MBD2: variants seen among roughly 807,000 people sequenced by gnomAD.
The protein encoded by MBD2 is methyl-CpG binding domain protein 2, also known as methyl-CpG-binding domain protein 2.
Under a neutral mutation model 39.3 loss-of-function variants are expected in MBD2, and 9 were observed. The ratio of observed to expected loss-of-function variants is 0.23; its 90% CI spans 0.14 to 0.40. The LOEUF is 0.40. Among genes scored for constraint, MBD2 ranks in the 10% least tolerant of loss-of-function variants. MBD2 has a pLI of 1.00. For synonymous variants in MBD2, 233 were observed against 211.1 expected (o/e 1.10, Z -0.90); for missense variants, 458 against 532.6 (o/e 0.86, Z 1.38).
At chr18:54,193,203 G>T (rs1184468597) in intron 2 of MBD2, among the ~76,000 whole-genome samples, 1 of 152,140 alleles carries the variant, frequency 6.6e-6, no homozygotes, top group East Asian at 1.9e-4. Flanking sequence ...CTACAGTTTA[G>T]TTTAGAATCT....
rs145787332 is a variant in MBD2, at chr18:54,186,573, T to A, written c.840+2301A>T. Among the ~76,000 whole-genome samples the A allele has an allele frequency of 5.0e-3, 757 of 152,284 alleles. 8 individuals are homozygous for A. The highest frequency in any genetic ancestry group is 0.017 in the African/African-American group (689 of 41,568). On this transcript the variant is annotated intron_variant, in intron 3 of 6. Transcript: ENST00000256429. ...GATTTTTAAAACATTAACATGAAAATTGTCTTTTTACTATTTTCCAATATT... is the reference window on the plus strand; with the variant it reads ...GATTTTTAAAACATTAACATGAAAAATGTCTTTTTACTATTTTCCAATATT...
intron 1 of MBD2, among the ~76,000 whole-genome samples, chr18:54,209,740 C>T (rs907427071): frequency 6.6e-6 from 1 of 152,164 alleles, no homozygotes; most frequent in South Asian, 2.1e-4. Flanking sequence ...AGGAATTCTG[C>T]CCATGAGATG....
intron 1 of MBD2, among the ~76,000 whole-genome samples, chr18:54,215,024 G>A (rs2144348083): frequency 6.6e-6 from 1 of 152,214 alleles, no homozygotes; most frequent in South Asian, 2.1e-4. Context: ...ACAGGGGTGA[G>A]CCACCGCGCC....
At chr18:54,222,241 A>C (rs375016314) in intron 1 of MBD2, 1 of 410,104 alleles carries the variant, frequency 2.4e-6, no homozygotes, top group African/African-American at 2.1e-5. Flanking sequence ...TGAGAAAACT[A>C]ATCTTTTTTT....
intron 2 of MBD2, among the ~76,000 whole-genome samples, chr18:54,197,413 G>C (rs1402428163): frequency 6.6e-6 from 1 of 152,162 alleles, no homozygotes; most frequent in Non-Finnish European, 1.5e-5. Flanking sequence ...TGGCCTTTTT[G>C]TCTTCACATG....
Position 54,202,688 on chromosome 18 carries a change from G to A in MBD2, c.702+2310C>T, listed in dbSNP as rs555183022. 1.2e-4 allele frequency: 131 copies of A among 1,113,804 alleles called. 2 individuals are homozygous for A. The Middle Eastern group carries it at 2.7e-3, about 23-fold the overall frequency. 69.0% of individuals were successfully genotyped at this position (1,113,804 alleles called of 1,614,324 possible). ...GAAAGGTATTTCCAAAATAATGTAC[G>A]GTATAATTTATTTATTTAATAAACA... On this transcript the variant is annotated intron_variant, in intron 2 of 6. Coordinates refer to ENST00000256429, the MANE Select transcript of MBD2 (RefSeq NM_003927.5).
intron 3 of MBD2, among the ~76,000 whole-genome samples, chr18:54,177,228 T>C (rs2086217994): frequency 6.6e-6 from 1 of 152,224 alleles, no homozygotes; most frequent in Non-Finnish European, 1.5e-5. Flanking sequence ...GTCAGTATAC[T>C]TGGAATTATT....
In MBD2 at chr18:54,207,489, A is replaced by G. The variant is rs951128833; in HGVS notation, c.543-2332T>C. The stretch of plus-strand genomic sequence containing the variant: ...TAAACTTCAAACACCATTATAGGCT[A>G]GCACTGAACAAGGTAACTTTCTGAG... On this transcript the variant is annotated intron_variant, in intron 1 of 6. Coordinates refer to ENST00000256429, the MANE Select transcript of MBD2 (RefSeq NM_003927.5). Among the ~76,000 whole-genome samples the G allele has an allele frequency of 4.6e-5, 7 of 152,368 alleles. No homozygotes were observed. The East Asian group carries it at 9.6e-4, about 21-fold the overall frequency.
At chr18:54,180,611 T>C (rs2144300981) in intron 3 of MBD2, among the ~76,000 whole-genome samples, 1 of 152,216 alleles carries the variant, frequency 6.6e-6, no homozygotes, top group Middle Eastern at 3.4e-3. Flanking sequence ...AACAAGTATA[T>C]TAATTAGAAA....
At chr18:54,222,318 A>C (rs1490215269) in intron 1 of MBD2, 2 of 513,358 alleles carry the variant, frequency 3.9e-6, no homozygotes, top group Non-Finnish European at 7.8e-6. Flanking sequence ...CCACTGGCAC[A>C]GTCCCAGGGC....
At position 54,224,579 on chromosome 18, in the gene MBD2, G is replaced by A. The variant is rs2086647278; in HGVS notation, c.-20C>T. 2.5e-6 allele frequency: 3 copies of A among 1,222,492 alleles called. No homozygotes were observed. The highest frequency in any genetic ancestry group is 4.3e-5 in the Admixed American group (1 of 23,526). The allele number at this position is 1,222,492 out of a possible 1,614,324, so 75.7% of individuals were successfully genotyped here. A position where few individuals can be genotyped will look rare whatever the true frequency, so the allele number is the denominator to read the frequency against. ...GCGCATCCAGCCCCCTCCCCAGCCGGCGCTGCGCTTCTTCCGTAACCGAGC... is the reference window on the plus strand; with the variant it reads ...GCGCATCCAGCCCCCTCCCCAGCCGACGCTGCGCTTCTTCCGTAACCGAGC... On this transcript the variant is annotated 5_prime_UTR_variant, in exon 1 of 7. Transcript: ENST00000256429.
In MBD2 at chr18:54,189,004, G is replaced by A. The variant is rs755904678; in HGVS notation, c.710C>T (p.Pro237Leu). The change falls in exon 3 of 7, where the codon CCA (proline) becomes CTA (leucine). Residue 237 changes from proline to leucine, a missense_variant. Transcript: ENST00000256429. ...AATTGGCAATGTTGTATTCAAGTCT[G>A]GTTTACCCTGTGAATATAAATGTAT... The part of the protein sequence containing the change: ...NDPLNQNKGK[P>L]DLNTTLPIRQ... 7.5e-6 allele frequency: 12 copies of A among 1,591,378 alleles called. No individual in the cohort carries two copies. The African/African-American group carries it at 1.2e-4, about 16-fold the overall frequency.
intron 1 of MBD2, among the ~76,000 whole-genome samples, chr18:54,212,159 T>C (rs2086513550): frequency 6.6e-6 from 1 of 152,140 alleles, no homozygotes; most frequent in African/African-American, 2.4e-5. Flanking sequence ...CTATTCTGAA[T>C]AGTCTAAATG....
At chr18:54,223,956 C>T in intron 1 of MBD2, 62 bp downstream of exon 1, 1 of 1,427,342 alleles carries the variant, frequency 7.0e-7, no homozygotes, top group South Asian at 1.3e-5. Context: ...CTGCCCAGGC[C>T]CGCTCTTGAC....
intron 5 of MBD2, among the ~76,000 whole-genome samples, chr18:54,164,074 T>C (rs2086113962): frequency 6.6e-6 from 1 of 152,016 alleles, no homozygotes; most frequent in Non-Finnish European, 1.5e-5. Context: ...TTTGTGGAGA[T>C]GGGGTCTCAC....
In MBD2 at chr18:54,224,507, T is replaced by C. The variant is rs1445108880; in HGVS notation, c.53A>G (p.Glu18Gly). 7 of 1,226,508 alleles carry C rather than the reference T, an allele frequency of 5.7e-6. No individual in the cohort carries two copies. Among genetic ancestry groups the C allele is most frequent in the South Asian group, 3.9e-5 (1 of 25,562 alleles). The allele number at this position is 1,226,508 out of a possible 1,614,324, so 76.0% of individuals were successfully genotyped here. A position where few individuals can be genotyped will look rare whatever the true frequency, so the allele number is the denominator to read the frequency against. Residue 18 changes from glutamate to glycine, a missense_variant, in exon 1 of 7, where the codon GAG becomes GGG. Around this residue, in one of 2 missense-constraint regions of MBD2, gnomAD observed 269 missense variants for 236.0 expected, o/e 1.14. Transcript: ENST00000256429. ...AGCGCCGCTGCCGCCCGCCGCACTC[T>C]CCCCCTCCTCCTGCTCCGGGCAGCA... is the stretch of plus-strand genomic sequence containing the variant. ...GRCCPEQEEG[E>G]SAAGGSGAGG...
At chr18:54,189,065 T>G (rs2086301883) in intron 2 of MBD2, 54 bp from the exon 3 acceptor site, 2 of 1,214,224 alleles carry the variant, frequency 1.6e-6, no homozygotes, top group Non-Finnish European at 2.3e-6. Context: ...CACAATCAGA[T>G]GACTTCCTAC....
At position 54,224,021 on chromosome 18, in the gene MBD2, A is replaced by T. The variant is rs769085700; in HGVS notation, c.539T>A (p.Phe180Tyr). The change falls in exon 1 of 7, where the codon TTC (phenylalanine) becomes TAC (tyrosine). Residue 180 changes from phenylalanine (F) to tyrosine (Y), a missense_variant. Phe to Tyr is a conservative substitution (Grantham distance 22). This residue lies in a region of MBD2 where 189 missense variants were observed against 296.6 expected (regional missense o/e 0.64). Coordinates refer to ENST00000256429, the MANE Select transcript of MBD2 (RefSeq NM_003927.5). ...LSAGKSDVYY[F>Y]SPSGKKFRSK... is the part of the protein sequence containing the mutation. ...CTCCCCGCCCCCAGGGAGGTACCTGAAGTAGTAGACATCGCTCTTGCCAGC... is the reference window on the plus strand; with the variant it reads ...CTCCCCGCCCCCAGGGAGGTACCTGTAGTAGTAGACATCGCTCTTGCCAGC... 1.4e-6 allele frequency: 2 copies of T among 1,396,454 alleles called. No individual in the cohort carries two copies. The highest frequency in any genetic ancestry group is 1.9e-4 in the Middle Eastern group (1 of 5,362). The allele number at this position is 1,396,454 out of a possible 1,614,324, so 86.5% of individuals were successfully genotyped here. A position where few individuals can be genotyped will look rare whatever the true frequency, so the allele number is the denominator to read the frequency against.
At chr18:54,193,447 T>A (rs1471868494) in intron 2 of MBD2, among the ~76,000 whole-genome samples, 1 of 152,152 alleles carries the variant, frequency 6.6e-6, no homozygotes, top group Non-Finnish European at 1.5e-5. Context: ...ATTTAATACA[T>A]TTTATAATAA....
Sources: gnomAD v4.1 joint callset for allele counts (sites outside exome capture counted in the v4.1 genomes callset) on GRCh38, gnomAD v4.1.1 for gene constraint, gnomAD v4.1.1 regional missense constraint, MANE v1.5 for transcripts, NCBI Gene and HGNC (gene_info 2026-07-23, HGNC 2026-07-21) for gene names.